Variants in NCOR1 observed in about 807,000 individuals in gnomAD.
NCOR1 encodes the protein nuclear receptor corepressor 1.
A neutral mutation model predicts 288.1 loss-of-function variants in NCOR1; 63 were observed. The ratio of observed to expected loss-of-function variants is 0.22; its 90% CI spans 0.18 to 0.27. NCOR1 has a LOEUF of 0.27. Among genes scored for constraint, NCOR1 ranks in the 10% least tolerant of loss-of-function variants. NCOR1 has a pLI of 1.00. For synonymous variants in NCOR1, 1,007 were observed against 1,065.9 expected (o/e 0.94, Z 1.08); for missense variants, 2,397 against 3,019.2 (o/e 0.79, Z 4.83).
chr17:16,091,756 A>C lies in NCOR1; in HGVS notation c.3016+107T>G, dbSNP rs1372480851. 1.9e-6 allele frequency: 3 copies of C among 1,563,292 alleles called. No individual in the cohort carries two copies. The African/African-American group carries it at 4.1e-5, about 21-fold the overall frequency. Reference sequence around the variant, plus strand: ...CTGTGTCTGTTAGGACAAATATAATAATCAGTTGGGAGGCTGACAACTTAC... The same window carrying C: ...CTGTGTCTGTTAGGACAAATATAATCATCAGTTGGGAGGCTGACAACTTAC... On this transcript the variant is annotated intron_variant, in intron 22 of 45. Transcript: ENST00000268712.
In NCOR1 at chr17:16,030,984, A is replaced by G. The variant is rs116576373; in HGVS notation, c.*1312T>C. ...CCAGTGGCATTCTCCCAAAACTGTT[A>G]GTATCTATGTTATAGAAAGATACTT... On this transcript the variant is annotated 3_prime_UTR_variant, in exon 46 of 46. Coordinates refer to ENST00000268712, the MANE Select transcript of NCOR1 (RefSeq NM_006311.4). 1,461 of 196,990 alleles carry G rather than the reference A, an allele frequency of 7.4e-3. 27 individuals carry two copies. Among genetic ancestry groups the G allele is most frequent in the African/African-American group, 0.032 (1,380 of 43,474 alleles). 12.2% of individuals were successfully genotyped at this position (196,990 alleles called of 1,614,324 possible). A position where few individuals can be genotyped will look rare whatever the true frequency, so the allele number is the denominator to read the frequency against.
At chr17:16,171,439 T>A (rs2083127595) in intron 4 of NCOR1, among the ~76,000 whole-genome samples, 1 of 152,210 alleles carries the variant, frequency 6.6e-6, no homozygotes. Context: ...CTACTAAATT[T>A]AAGGGACTTG....
chr17:16,082,588 G>A (rs2063566913), intron 23 of NCOR1, among the ~76,000 whole-genome samples: 1 of 151,986 alleles, frequency 6.6e-6, no homozygotes, highest in South Asian at 2.1e-4. Flanking sequence ...CAGGCATAGT[G>A]ATGCATGCCT....
At chr17:16,039,241 A>G (rs937115461) in intron 44 of NCOR1, 192 bp downstream of exon 44, 1 of 601,002 alleles carries the variant, frequency 1.7e-6, no homozygotes, top group Non-Finnish European at 2.9e-6. Flanking sequence ...ATTTTCTTCC[A>G]TTTTATTTCT....
At position 16,032,157 on chromosome 17, in the gene NCOR1, C is replaced by T; in HGVS notation, c.*139G>A. 2 of 839,122 alleles carry T rather than the reference C, an allele frequency of 2.4e-6. No homozygotes were observed. Among genetic ancestry groups the T allele is most frequent in the Non-Finnish European group, 3.4e-6 (2 of 580,148 alleles). The allele number at this position is 839,122 out of a possible 1,614,324, so 52.0% of individuals were successfully genotyped here. ...TCCAAATGAACTTCCATCATTTCTT[C>T]ATCATCTGTGGGCTGGCTCTCCTGA... is the stretch of plus-strand genomic sequence containing the variant. On this transcript the variant is annotated 3_prime_UTR_variant, in exon 46 of 46. Transcript: ENST00000268712.
At chr17:16,080,789 A>G in intron 23 of NCOR1, 62 bp from the exon 24 acceptor site, 2 of 1,492,664 alleles carry the variant, frequency 1.3e-6, no homozygotes, top group African/African-American at 1.4e-5. Context: ...CACAAGGTCA[A>G]TTTCACAAAG....
At chr17:16,104,464 T>C (rs970565856) in intron 19 of NCOR1, among the ~76,000 whole-genome samples, 11 of 152,070 alleles carry the variant, frequency 7.2e-5, no homozygotes, top group East Asian at 1.9e-4. Context: ...TAGCGTGAAA[T>C]AGACAACAGT....
At chr17:16,054,558 A>G (rs910868310) in intron 40 of NCOR1, among the ~76,000 whole-genome samples, 4 of 152,138 alleles carry the variant, frequency 2.6e-5, no homozygotes, top group African/African-American at 9.7e-5. Context: ...TGACATGAAC[A>G]GACACTTTTC....
chr17:16,089,604 G>GTTT (rs1409693134), intron 22 of NCOR1, among the ~76,000 whole-genome samples: 1 of 152,028 alleles, frequency 6.6e-6, no homozygotes, highest in Non-Finnish European at 1.5e-5. Context: ...AGACCATGAA[G>GTTT]GGAAAAGTAA....
At chr17:16,092,873 A>AC (rs991277885) in intron 21 of NCOR1, among the ~76,000 whole-genome samples, 1 of 140,680 alleles carries the variant, frequency 7.1e-6, no homozygotes, top group African/African-American at 2.6e-5. Flanking sequence ...TAATTTTTCT[A>AC]TTTTTTTTTT....
intron 4 of NCOR1, among the ~76,000 whole-genome samples, chr17:16,166,407 A>T (rs1224192886): frequency 6.6e-6 from 1 of 152,188 alleles, no homozygotes; most frequent in African/African-American, 2.4e-5. Context: ...GTGGCCAGGC[A>T]CAGTGGCTCA....
chr17:16,105,328 A>G (rs1268707295), intron 19 of NCOR1, among the ~76,000 whole-genome samples: 2 of 152,078 alleles, frequency 1.3e-5, no homozygotes, highest in African/African-American at 4.8e-5. Context: ...GAGGTGGGAA[A>G]ATCGCTTGAG....
chr17:16,047,102 G>A lies in NCOR1; in HGVS notation c.6537-9C>T, dbSNP rs1597814826. On this transcript the variant is annotated splice_polypyrimidine_tract_variant and intron_variant, in intron 41 of 45. Transcript: ENST00000268712. ...GTGAGCGGGCATCATTCCTGTTAGG[G>A]CCAAAGTTAAGTATATTACAACCAC... 1 of 1,608,622 alleles carries A rather than the reference G, an allele frequency of 6.2e-7. No individual in the cohort carries two copies. The highest frequency in any genetic ancestry group is 8.5e-7 in the Non-Finnish European group (1 of 1,177,460).
rs1232099485 is a variant in NCOR1 at position 16,215,511 on chromosome 17, C to G, written c.-220G>C. 2.5e-6 allele frequency: 1 copy of G among 398,718 alleles called. No individual in the cohort carries two copies. Among genetic ancestry groups the G allele is most frequent in the Non-Finnish European group, 4.4e-6 (1 of 226,332 alleles). The allele number at this position is 398,718 out of a possible 1,614,324, so 24.7% of individuals were successfully genotyped here. The stretch of plus-strand genomic sequence containing the variant: ...CGCCGCCGCCGCGGCTGCTGCTTCG[C>G]CACCTTGGCCGCCATCTTGACTCAA... On this transcript the variant is annotated 5_prime_UTR_variant, in exon 1 of 46. Coordinates refer to ENST00000268712, the MANE Select transcript of NCOR1 (RefSeq NM_006311.4).
chr17:16,179,298 T>C (rs765519554), intron 3 of NCOR1, among the ~76,000 whole-genome samples: 15 of 152,008 alleles, frequency 9.9e-5, no homozygotes, highest in Non-Finnish European at 2.1e-4. Context: ...TTACAACAGA[T>C]GCCTCAGAAA....
intron 19 of NCOR1, among the ~76,000 whole-genome samples, chr17:16,105,222 G>T (rs2068372202): frequency 6.6e-6 from 1 of 152,084 alleles, no homozygotes; most frequent in Non-Finnish European, 1.5e-5. Context: ...TGCTGTGGAA[G>T]AAAAAACAGA....
intron 18 of NCOR1, among the ~76,000 whole-genome samples, chr17:16,115,246 G>A (rs752520789): frequency 1.3e-5 from 2 of 152,122 alleles, no homozygotes; most frequent in African/African-American, 4.8e-5. Context: ...GGGGTCCTGG[G>A]TCCAGGGCAT....
intron 16 of NCOR1, 67 bp from the exon 17 acceptor site, chr17:16,119,552 ATATAAT>A (rs1293336114): frequency 2.9e-6 from 3 of 1,035,132 alleles, no homozygotes; most frequent in Admixed American, 2.3e-5. Context: ...CAAACCAATC[ATATAAT>A]TATATCTCTT....
At chr17:16,088,582 C>T (rs1247912900) in intron 22 of NCOR1, among the ~76,000 whole-genome samples, 1 of 152,078 alleles carries the variant, frequency 6.6e-6, no homozygotes, top group African/African-American at 2.4e-5. Context: ...CTCTTATTTC[C>T]TTACTACACT....
Sources: gnomAD v4.1 joint callset for allele counts (sites outside exome capture counted in the v4.1 genomes callset) on GRCh38, gnomAD v4.1.1 for gene constraint, MANE v1.5 for transcripts, NCBI Gene and HGNC (gene_info 2026-07-23, HGNC 2026-07-21) for gene names.